TIAM1: variants seen among roughly 807,000 people sequenced by gnomAD.
TIAM1 encodes the protein rho guanine nucleotide exchange factor TIAM1.
In TIAM1, 65 loss-of-function variants were observed where a neutral mutation model predicts 163.5. The ratio of observed to expected loss-of-function variants is 0.40; its 90% CI spans 0.33 to 0.49. The LOEUF is 0.49. TIAM1 is among the 20% of genes least tolerant of loss of function. TIAM1 has a pLI of 0.77. For missense variants in TIAM1, 1,789 were observed against 2,044.7 expected (o/e 0.87, Z 2.41); for synonymous variants, 833 against 810.1 (o/e 1.03, Z -0.48).
At chr21:31,235,401 C>T (rs1417816776) in intron 6 of TIAM1, among the ~76,000 whole-genome samples, 1 of 152,160 alleles carries the variant, frequency 6.6e-6, no homozygotes, top group Non-Finnish European at 1.5e-5. Flanking sequence ...CTGATTAGTG[C>T]TTTAATCCTA....
At chr21:31,552,905 TAA>T (rs2048742104) in intron 1 of TIAM1, among the ~76,000 whole-genome samples, 1 of 152,174 alleles carries the variant, frequency 6.6e-6, no homozygotes, top group African/African-American at 2.4e-5. Context: ...AATACCTTAA[TAA>T]CTCTGGAATC....
At chr21:31,209,963 T>C (rs946465555) in intron 11 of TIAM1, 82 bp downstream of exon 11, 6 of 1,482,172 alleles carry the variant, frequency 4.0e-6, no homozygotes, top group Non-Finnish European at 2.7e-6. Context: ...CCCACACGGC[T>C]CTGGGTTTCC....
At chr21:31,343,622 C>G (rs1321562764) in intron 1 of TIAM1, among the ~76,000 whole-genome samples, 1 of 152,148 alleles carries the variant, frequency 6.6e-6, no homozygotes, top group African/African-American at 2.4e-5. Flanking sequence ...CATCCAGGTG[C>G]GGTCGGGAGC....
chr21:31,299,894 C>T (rs1385713112), intron 2 of TIAM1, among the ~76,000 whole-genome samples: 1 of 152,210 alleles, frequency 6.6e-6, no homozygotes, highest in East Asian at 1.9e-4. Context: ...CAATAAATGG[C>T]AGCCTGGAAA....
intron 2 of TIAM1, among the ~76,000 whole-genome samples, chr21:31,430,273 CATAT>C (rs143109113): frequency 5.1e-4 from 64 of 126,204 alleles, no homozygotes; most frequent in African/African-American, 2.0e-3. Context: ...CACACACACA[CATAT>C]ATATATATAT....
chr21:31,122,327 A>G (rs2082033894), intron 27 of TIAM1, among the ~76,000 whole-genome samples: 1 of 152,234 alleles, frequency 6.6e-6, no homozygotes, highest in Non-Finnish European at 1.5e-5. Context: ...ATTCTTGTTC[A>G]CTTTTATCTC....
Position 31,359,805 on chromosome 21 carries a change from AAAGGAAGGAAGGAAGGAAGGAAGGAAGG to A in TIAM1, c.-368-20411_-368-20384del, listed in dbSNP as rs767750965. On this transcript the variant is annotated intron_variant, in intron 2 of 28. Transcript: ENST00000286827. ...TCTGTCAAAAGAGAAAAAGAAAGAA[AAAGGAAGGAAGGAAGGAAGGAAGGAAGG>A]AAGGAAGGAAGGAAGGAAGGAAGGA... 2.1e-3 allele frequency among the ~76,000 whole-genome samples: 188 copies of A among 90,736 alleles called. 3 individuals are homozygous for A. Among genetic ancestry groups the A allele is most frequent in the African/African-American group, 7.4e-3 (164 of 22,220 alleles). The allele number at this position is 90,736 out of a possible 152,430, so 59.5% of individuals were successfully genotyped here. A position where few individuals can be genotyped will look rare whatever the true frequency, so the allele number is the denominator to read the frequency against.
intron 2 of TIAM1, among the ~76,000 whole-genome samples, chr21:31,327,732 C>A (rs550113454): frequency 6.6e-6 from 1 of 151,570 alleles, no homozygotes; most frequent in East Asian, 1.9e-4. Flanking sequence ...TAAAGACCAC[C>A]CCACCATCAC....
chr21:31,219,223 ATCC>A (rs1421779599), intron 8 of TIAM1, among the ~76,000 whole-genome samples: 4 of 147,836 alleles, frequency 2.7e-5, no homozygotes, highest in Non-Finnish European at 5.9e-5. Context: ...CTTGAACTTT[ATCC>A]TACCAGGTGG....
chr21:31,440,402 C>A (rs1240416286), intron 2 of TIAM1, among the ~76,000 whole-genome samples: 1 of 152,144 alleles, frequency 6.6e-6, no homozygotes, highest in African/African-American at 2.4e-5. Context: ...ACTGCTGACT[C>A]CCCCAGTCCC....
chr21:31,228,239 A>G (rs1569068806), intron 6 of TIAM1, among the ~76,000 whole-genome samples: 2 of 49,326 alleles, frequency 4.1e-5, no homozygotes, highest in African/African-American at 8.0e-5. Flanking sequence ...AAAAAAAAAA[A>G]AAAAAAAAAA....
At chr21:31,502,881 A>G (rs1184343061) in intron 1 of TIAM1, among the ~76,000 whole-genome samples, 1 of 152,202 alleles carries the variant, frequency 6.6e-6, no homozygotes, top group Non-Finnish European at 1.5e-5. Context: ...CCAATCAGTC[A>G]AGCAAGGCAC....
chr21:31,514,180 C>A (rs2047305545), intron 1 of TIAM1, among the ~76,000 whole-genome samples: 1 of 152,078 alleles, frequency 6.6e-6, no homozygotes, highest in Admixed American at 6.6e-5. Context: ...AGAACAGACT[C>A]CCTGACTTGT....
intron 2 of TIAM1, among the ~76,000 whole-genome samples, chr21:31,460,927 A>G (rs1200410630): frequency 6.6e-6 from 1 of 152,244 alleles, no homozygotes; most frequent in African/African-American, 2.4e-5. Flanking sequence ...TTACATAAAG[A>G]ATTCAATAGC....
In TIAM1 at chr21:31,394,024, T is replaced by C. The variant is rs550767070; in HGVS notation, c.-368-54602A>G. ...TTATGTGAATATACATTTATATTTATATTCTGTGCATACAAAAACCCGCAT... is the reference window on the plus strand; with the variant it reads ...TTATGTGAATATACATTTATATTTACATTCTGTGCATACAAAAACCCGCAT... On this transcript the variant is annotated intron_variant, in intron 2 of 28. Transcript: ENST00000286827. Among the ~76,000 whole-genome samples the C allele has an allele frequency of 2.0e-5, 3 of 152,362 alleles. No homozygotes were observed. In the South Asian group the frequency reaches 6.2e-4, roughly 32 times the overall value.
At chr21:31,240,467 C>A (rs2071107375) in intron 6 of TIAM1, among the ~76,000 whole-genome samples, 1 of 152,266 alleles carries the variant, frequency 6.6e-6, no homozygotes, top group East Asian at 1.9e-4. Flanking sequence ...TGAAAACCAG[C>A]TGTGTAGCAC....
chr21:31,405,793 A>AT (rs796184055), intron 2 of TIAM1, among the ~76,000 whole-genome samples: 1 of 152,202 alleles, frequency 6.6e-6, no homozygotes. Context: ...TATGGGAGCC[A>AT]TAAGATGAGA....
rs560531833 is a variant in TIAM1 at position 31,276,797 on chromosome 21, G to A, written c.-77C>T. 1 of 152,284 alleles carries A rather than the reference G, an allele frequency of 6.6e-6. No homozygotes were observed. The highest frequency in any genetic ancestry group is 2.4e-5 in the African/African-American group (1 of 41,572). 9.4% of individuals were successfully genotyped at this position (152,284 alleles called of 1,614,324 possible). A position where few individuals can be genotyped will look rare whatever the true frequency, so the allele number is the denominator to read the frequency against. On this transcript the variant is annotated 5_prime_UTR_variant, in exon 3 of 28. Coordinates refer to ENST00000541036, the MANE Select transcript of TIAM1 (RefSeq NM_001353694.2). Reference sequence around the variant, plus strand: ...GAGCACTGTGGCATTTAGATATTGAGGTTGGAAATGATGTCCGGATGAACA... The same window carrying A: ...GAGCACTGTGGCATTTAGATATTGAAGTTGGAAATGATGTCCGGATGAACA...
At chr21:31,153,886 C>A (rs1024446835) in intron 17 of TIAM1, among the ~76,000 whole-genome samples, 3 of 142,672 alleles carry the variant, frequency 2.1e-5, no homozygotes, top group African/African-American at 8.3e-5. Flanking sequence ...CATGGTGAAA[C>A]CTCCTCTCTA....
Sources: gnomAD v4.1 joint callset for allele counts (sites outside exome capture counted in the v4.1 genomes callset) on GRCh38, gnomAD v4.1.1 for gene constraint, MANE v1.5 for transcripts, NCBI Gene and HGNC (gene_info 2026-07-23, HGNC 2026-07-21) for gene names.